Variants in AUH observed in about 807,000 individuals in gnomAD.
AUH encodes AU RNA binding methylglutaconyl-CoA hydratase, also known as methylglutaconyl-CoA hydratase, mitochondrial.
Under a neutral mutation model 42.3 loss-of-function variants are expected in AUH, and 29 were observed. The ratio of observed to expected loss-of-function variants is 0.69; its 90% CI spans 0.51 to 0.93. AUH has a LOEUF of 0.93. Among genes scored for constraint, AUH ranks in the 40% least tolerant of loss-of-function variants. The pLI is 0.00. For missense variants in AUH, 452 were observed against 438.1 expected (o/e 1.03, Z -0.28); for synonymous variants, 174 against 166.4 (o/e 1.05, Z -0.35).
At chr9:91,311,053 TTTATA>T (rs1306983471) in intron 4 of AUH, among the ~76,000 whole-genome samples, 2 of 151,868 alleles carry the variant, frequency 1.3e-5, no homozygotes, top group Non-Finnish European at 2.9e-5. Flanking sequence ...TGAAAAGAGG[TTTATA>T]CCATAAAACT....
At chr9:91,299,991 GCAAGAC>G (rs1190584498) in intron 4 of AUH, among the ~76,000 whole-genome samples, 1 of 152,056 alleles carries the variant, frequency 6.6e-6, no homozygotes, top group Non-Finnish European at 1.5e-5. Flanking sequence ...CTCCAAACAA[GCAAGAC>G]CATTCTTGTT....
chr9:91,236,816 T>G (rs1172079796), intron 6 of AUH, among the ~76,000 whole-genome samples: 1 of 152,138 alleles, frequency 6.6e-6, no homozygotes, highest in Non-Finnish European at 1.5e-5. Flanking sequence ...TAAAAGCCAC[T>G]GAAAAGCAAA....
At chr9:91,329,356 C>G (rs1345665718) in intron 3 of AUH, among the ~76,000 whole-genome samples, 4 of 151,570 alleles carry the variant, frequency 2.6e-5, no homozygotes. Flanking sequence ...TTGGCTGCAC[C>G]ATTTCACATT....
intron 4 of AUH, among the ~76,000 whole-genome samples, chr9:91,307,889 G>A (rs975467061): frequency 1.3e-5 from 2 of 152,080 alleles, no homozygotes; most frequent in African/African-American, 2.4e-5. Context: ...AAAAAAGGGT[G>A]GGAGAAGAGA....
chr9:91,355,115 C>G (rs1587928746), intron 3 of AUH, among the ~76,000 whole-genome samples: 1 of 152,246 alleles, frequency 6.6e-6, no homozygotes, highest in Non-Finnish European at 1.5e-5. Flanking sequence ...TTTTCGGTAT[C>G]CTACATTTTA....
intron 6 of AUH, among the ~76,000 whole-genome samples, chr9:91,232,643 A>G (rs1827953887): frequency 6.6e-6 from 1 of 152,216 alleles, no homozygotes; most frequent in Non-Finnish European, 1.5e-5. Context: ...CTGCATTACT[A>G]TGCTATGAAG....
intron 6 of AUH, among the ~76,000 whole-genome samples, chr9:91,266,984 G>A (rs1160418740): frequency 6.6e-6 from 1 of 152,186 alleles, no homozygotes; most frequent in Non-Finnish European, 1.5e-5. Flanking sequence ...AGAAGTCTGA[G>A]AAGCACAAAG....
chr9:91,322,497 A>C (rs1405472406), intron 4 of AUH, among the ~76,000 whole-genome samples: 1 of 152,246 alleles, frequency 6.6e-6, no homozygotes, highest in Non-Finnish European at 1.5e-5. Flanking sequence ...ATAGACAGCT[A>C]AGCCAAAGAC....
intron 4 of AUH, among the ~76,000 whole-genome samples, chr9:91,304,985 T>C (rs1336049386): frequency 6.6e-6 from 1 of 152,104 alleles, no homozygotes; most frequent in East Asian, 1.9e-4. Flanking sequence ...CATGGAAAAA[T>C]TTGGAAAATT....
At chr9:91,332,024 T>G (rs1397168446) in intron 3 of AUH, among the ~76,000 whole-genome samples, 1 of 152,232 alleles carries the variant, frequency 6.6e-6, no homozygotes, top group African/African-American at 2.4e-5. Context: ...AAGTATGTGC[T>G]CCTTTGAACA....
intron 6 of AUH, among the ~76,000 whole-genome samples, chr9:91,223,726 CACTT>C (rs1370993774): frequency 1.3e-5 from 2 of 152,076 alleles, no homozygotes; most frequent in Non-Finnish European, 2.9e-5. Flanking sequence ...CCCTCACCAA[CACTT>C]ACTATTTTTT....
At chr9:91,267,287 G>A (rs1252645714) in intron 6 of AUH, among the ~76,000 whole-genome samples, 1 of 152,060 alleles carries the variant, frequency 6.6e-6, no homozygotes, top group East Asian at 1.9e-4. Flanking sequence ...ATTTTACAGA[G>A]AAAGAAAAGA....
At chr9:91,322,666 G>T (rs1208979216) in intron 4 of AUH, among the ~76,000 whole-genome samples, 1 of 152,044 alleles carries the variant, frequency 6.6e-6, no homozygotes, top group Non-Finnish European at 1.5e-5. Flanking sequence ...GAAAAACATG[G>T]AAAGCTTTTC....
chr9:91,254,268 A>C (rs1462616772), intron 6 of AUH, among the ~76,000 whole-genome samples: 1 of 152,194 alleles, frequency 6.6e-6, no homozygotes, highest in African/African-American at 2.4e-5. Flanking sequence ...GGATTAAACA[A>C]AGCACTATGG....
chr9:91,237,814 T>A (rs1587666221), intron 6 of AUH, among the ~76,000 whole-genome samples: 1 of 152,226 alleles, frequency 6.6e-6, no homozygotes, highest in African/African-American at 2.4e-5. Flanking sequence ...CCTCAGACCT[T>A]GATTCCTTTT....
intron 4 of AUH, among the ~76,000 whole-genome samples, chr9:91,322,254 G>C (rs1370933704): frequency 1.3e-5 from 2 of 152,160 alleles, no homozygotes; most frequent in Admixed American, 6.5e-5. Flanking sequence ...AGAACAGAAA[G>C]ACACTCTGGA....
Position 91,349,168 on chromosome 9 carries a change from A to G in AUH, c.418+6715T>C, listed in dbSNP as rs565980578. Among the ~76,000 whole-genome samples, 30 of 152,370 alleles carry G rather than the reference A, an allele frequency of 2.0e-4. No homozygotes were observed. The East Asian group carries it at 3.9e-3, about 20-fold the overall frequency. ...TCATGACATTTTTATCCATATGAAC[A>G]GCACACAACATTCAATAATGCATGT... On this transcript the variant is annotated intron_variant, in intron 3 of 9. Coordinates refer to ENST00000375731, the MANE Select transcript of AUH (RefSeq NM_001698.3).
chr9:91,285,107 A>G (rs1826293578), intron 6 of AUH, among the ~76,000 whole-genome samples: 1 of 152,194 alleles, frequency 6.6e-6, no homozygotes, highest in Non-Finnish European at 1.5e-5. Context: ...TGGCATATAC[A>G]CACCATGGAA....
intron 4 of AUH, among the ~76,000 whole-genome samples, chr9:91,307,088 G>A (rs1448138202): frequency 6.6e-6 from 1 of 152,188 alleles, no homozygotes; most frequent in African/African-American, 2.4e-5. Context: ...GAGGGTAGCA[G>A]GGAGGGGCAA....
Sources: allele counts gnomAD v4.1 joint callset (sites outside exome capture counted in the v4.1 genomes callset), GRCh38; gene constraint gnomAD v4.1.1; transcripts MANE v1.5; gene names NCBI Gene and HGNC (gene_info 2026-07-23, HGNC 2026-07-21).